SLCO2A1: variants seen among roughly 807,000 people sequenced by gnomAD.
The protein encoded by SLCO2A1 is solute carrier organic anion transporter family member 2A1, also known as matrin F/G 1.
In SLCO2A1, 60 loss-of-function variants were observed where a neutral mutation model predicts 71.7. The ratio of observed to expected loss-of-function variants is 0.84; its 90% CI spans 0.68 to 1.04. SLCO2A1 has a LOEUF of 1.04. Among genes scored for constraint, SLCO2A1 ranks in the 50% least tolerant of loss-of-function variants. The pLI is 0.00. For synonymous variants in SLCO2A1, 308 were observed against 326.7 expected (o/e 0.94, Z 0.62); for missense variants, 745 against 813.4 (o/e 0.92, Z 1.02).
intron 3 of SLCO2A1, among the ~76,000 whole-genome samples, chr3:133,963,117 C>A (rs567570767): frequency 1.3e-5 from 2 of 152,292 alleles, no homozygotes; most frequent in African/African-American, 4.8e-5. Context: ...CCAGCCCCAC[C>A]CCACCAGCAT....
intron 3 of SLCO2A1, among the ~76,000 whole-genome samples, chr3:133,972,556 A>T (rs575855364): frequency 5.2e-4 from 79 of 152,348 alleles, no homozygotes; most frequent in Non-Finnish European, 8.8e-4. Flanking sequence ...ATAAGTGAAA[A>T]TTAAGCCATA....
At chr3:133,945,863 T>C (rs573341741) in intron 9 of SLCO2A1, among the ~76,000 whole-genome samples, 3 of 152,320 alleles carry the variant, frequency 2.0e-5, no homozygotes, top group Admixed American at 1.3e-4. Flanking sequence ...AGTATAATTA[T>C]ACGAATGAGA....
chr3:133,993,674 A>G (rs573964472), intron 1 of SLCO2A1, among the ~76,000 whole-genome samples: 1 of 152,322 alleles, frequency 6.6e-6, no homozygotes, highest in Admixed American at 6.5e-5. Flanking sequence ...AAACATTTTC[A>G]TCAAGTGCCA....
At chr3:134,014,168 T>C (rs980279418) in intron 1 of SLCO2A1, among the ~76,000 whole-genome samples, 1 of 152,106 alleles carries the variant, frequency 6.6e-6, no homozygotes, top group African/African-American at 2.4e-5. Context: ...ATTCCAGTAG[T>C]TTGCCACATT....
intron 1 of SLCO2A1, among the ~76,000 whole-genome samples, chr3:133,983,948 CCTGAG>C (rs1486657926): frequency 6.6e-6 from 1 of 152,112 alleles, no homozygotes; most frequent in African/African-American, 2.4e-5. Context: ...CTGTTTCCAG[CCTGAG>C]GGCCAGGAAG....
In SLCO2A1 at chr3:133,953,742, A is replaced by C. The variant is rs1697482944; in HGVS notation, c.645T>G (p.Ser215=). 1.9e-6 allele frequency: 3 copies of C among 1,614,166 alleles called. No homozygotes were observed. Among genetic ancestry groups the C allele is most frequent in the Non-Finnish European group, 1.7e-6 (2 of 1,179,978 alleles). The change falls in exon 5 of 14, where the codon TCT becomes TCG. Residue 215 remains serine, a synonymous_variant. Coordinates refer to ENST00000310926, the MANE Select transcript of SLCO2A1 (RefSeq NM_005630.3). ...PLYISILFAI[S]VFGPAFGYLL... ...GGTACCCGAAAGCCGGTCCAAATAC[A>C]GAGATGGCAAATAAGATGGCTGGAA...
chr3:134,019,985 C>T (rs1935537542), intron 1 of SLCO2A1, among the ~76,000 whole-genome samples: 3 of 152,076 alleles, frequency 2.0e-5, no homozygotes, highest in Non-Finnish European at 4.4e-5. Context: ...CAGCCCGGCA[C>T]CATACCCTAG....
At chr3:133,988,396 C>T (rs1438674031) in intron 1 of SLCO2A1, among the ~76,000 whole-genome samples, 1 of 152,196 alleles carries the variant, frequency 6.6e-6, no homozygotes, top group Non-Finnish European at 1.5e-5. Flanking sequence ...TGAACCTAAA[C>T]TATAGGCTGG....
chr3:133,964,302 A>G (rs1399394341), intron 3 of SLCO2A1, among the ~76,000 whole-genome samples: 1 of 152,208 alleles, frequency 6.6e-6, no homozygotes, highest in Non-Finnish European at 1.5e-5. Flanking sequence ...TTCAAAACAG[A>G]TATAATACCT....
At chr3:134,027,194 C>A (rs1471002684) in intron 1 of SLCO2A1, among the ~76,000 whole-genome samples, 1 of 152,086 alleles carries the variant, frequency 6.6e-6, no homozygotes, top group Non-Finnish European at 1.5e-5. Flanking sequence ...AGGGAGGAGA[C>A]CACCCCTCAT....
At chr3:133,955,693 G>T (rs1290495251) in intron 3 of SLCO2A1, among the ~76,000 whole-genome samples, 1 of 152,196 alleles carries the variant, frequency 6.6e-6, no homozygotes. Flanking sequence ...CCGGGTTGGT[G>T]TCACCTACAA....
chr3:134,018,747 C>T (rs549141012), intron 1 of SLCO2A1, among the ~76,000 whole-genome samples: 9 of 152,216 alleles, frequency 5.9e-5, no homozygotes, highest in Non-Finnish European at 1.0e-4. Context: ...AAGTCAGCTG[C>T]AAAAGCTGCC....
At chr3:133,963,034 G>A (rs1468453087) in intron 3 of SLCO2A1, among the ~76,000 whole-genome samples, 2 of 152,146 alleles carry the variant, frequency 1.3e-5, no homozygotes, top group Non-Finnish European at 2.9e-5. Flanking sequence ...GGCTGGCTTT[G>A]CCAGTCTAGT....
chr3:133,945,781 A>T (rs1194008277), intron 9 of SLCO2A1, among the ~76,000 whole-genome samples: 1 of 152,174 alleles, frequency 6.6e-6, no homozygotes, highest in Non-Finnish European at 1.5e-5. Context: ...GTTCCCCGGT[A>T]TCTGATATTC....
chr3:134,019,338 T>C (rs1935523005), intron 1 of SLCO2A1, among the ~76,000 whole-genome samples: 1 of 152,218 alleles, frequency 6.6e-6, no homozygotes, highest in Non-Finnish European at 1.5e-5. Flanking sequence ...AGTACTTCCA[T>C]AGTTCCTGGT....
chr3:133,982,867 C>T (rs1053879000), intron 1 of SLCO2A1, among the ~76,000 whole-genome samples: 4 of 152,140 alleles, frequency 2.6e-5, no homozygotes, highest in African/African-American at 9.7e-5. Flanking sequence ...CTCTCACTGG[C>T]GTCCCATTTT....
At chr3:133,940,121 C>A (rs148769636) in intron 11 of SLCO2A1, among the ~76,000 whole-genome samples, 69 of 152,254 alleles carry the variant, frequency 4.5e-4, no homozygotes, top group Middle Eastern at 3.4e-3. Context: ...GCGCCCATCA[C>A]CATGCCCGGC....
At chr3:134,024,499 A>G (rs1315757913) in intron 1 of SLCO2A1, among the ~76,000 whole-genome samples, 1 of 152,250 alleles carries the variant, frequency 6.6e-6, no homozygotes, top group East Asian at 1.9e-4. Flanking sequence ...CTGAGGCTAC[A>G]TGACCTGGCA....
intron 11 of SLCO2A1, among the ~76,000 whole-genome samples, chr3:133,938,867 A>T (rs1177045034): frequency 1.3e-5 from 2 of 152,012 alleles, no homozygotes; most frequent in South Asian, 4.2e-4. Context: ...CCCCTTCAAG[A>T]AGCAGAGGGC....
Sources: gnomAD v4.1 joint callset for allele counts (sites outside exome capture counted in the v4.1 genomes callset) on GRCh38, gnomAD v4.1.1 for gene constraint, MANE v1.5 for transcripts, NCBI Gene and HGNC (gene_info 2026-07-23, HGNC 2026-07-21) for gene names.